The following KLF12 variants were observed in gnomAD, a reference collection of about 807,000 sequenced individuals.
KLF12 encodes KLF transcription factor 12.
KLF12 carries 9 observed loss-of-function variants against 37.8 expected under a neutral mutation model. That is an observed-to-expected ratio of 0.24 (90% confidence interval 0.14 to 0.42). KLF12 has a LOEUF of 0.42. Ranked by LOEUF, KLF12 falls within the 10% of genes least tolerant of loss-of-function variation. The pLI is 1.00. For missense variants in KLF12, 411 were observed against 516.0 expected, an observed-to-expected ratio of 0.80 and a Z score of 1.97; for synonymous variants, 208 against 202.1, an observed-to-expected ratio of 1.03 and a Z score of -0.25.
intron 6 of KLF12, among the ~76,000 whole-genome samples, chr13:73,753,223 C>G (rs376310189): frequency 6.6e-6 from 1 of 152,102 alleles, no homozygotes; most frequent in Non-Finnish European, 1.5e-5. Flanking sequence ...GGTTGTTTCA[C>G]GCTTCCCCTC....
At chr13:73,768,015 C>A (rs1395296768) in intron 5 of KLF12, among the ~76,000 whole-genome samples, 1 of 152,118 alleles carries the variant, frequency 6.6e-6, no homozygotes, top group Non-Finnish European at 1.5e-5. Context: ...CTATCTGCAC[C>A]ACAGAAAAGC....
intron 4 of KLF12, among the ~76,000 whole-genome samples, chr13:73,822,669 T>C (rs1458361681): frequency 1.3e-5 from 2 of 152,230 alleles, no homozygotes; most frequent in African/African-American, 4.8e-5. Context: ...AAGACTACTT[T>C]TCTTGTTTAT....
At chr13:73,830,513 G>A (rs2138576407) in intron 4 of KLF12, among the ~76,000 whole-genome samples, 1 of 152,258 alleles carries the variant, frequency 6.6e-6, no homozygotes, top group South Asian at 2.1e-4. Flanking sequence ...CTGAACATCT[G>A]CTATATAAGC....
intron 6 of KLF12, 129 bp downstream of exon 6, chr13:73,764,809 A>G: frequency 1.8e-6 from 1 of 561,816 alleles, no homozygotes; most frequent in Admixed American, 2.8e-5. Flanking sequence ...GGAAAGGAAG[A>G]CCGCATAGTC....
At chr13:73,987,389 A>C (rs563916759) in intron 2 of KLF12, among the ~76,000 whole-genome samples, 2 of 152,268 alleles carry the variant, frequency 1.3e-5, no homozygotes, top group East Asian at 3.9e-4. Context: ...TTAACACTAT[A>C]ATGTTCTCAG....
At chr13:73,715,590 A>G in intron 6 of KLF12, 65 bp from the exon 7 acceptor site, 1 of 1,512,620 alleles carries the variant, frequency 6.6e-7, no homozygotes. Context: ...TTCTGGTGGC[A>G]TGGGAACATT....
At chr13:74,284,157 T>C in the KLF12 span, among the ~76,000 whole-genome samples, 1 of 152,080 alleles carries the variant, frequency 6.6e-6, no homozygotes, top group Non-Finnish European at 1.5e-5. Flanking sequence ...ATGCCCGGCC[T>C]AGTGTGTATA....
the KLF12 span, among the ~76,000 whole-genome samples, chr13:74,183,787 A>G: frequency 6.6e-6 from 1 of 152,006 alleles, no homozygotes; most frequent in South Asian, 2.1e-4. Context: ...AAATGCAAAA[A>G]TTAGCTGGGC....
intron 5 of KLF12, among the ~76,000 whole-genome samples, chr13:73,771,482 A>C (rs964292382): frequency 1.3e-5 from 2 of 151,972 alleles, no homozygotes; most frequent in African/African-American, 4.8e-5. Flanking sequence ...TAGATGCATA[A>C]ACATTTGCTA....
At chr13:74,230,377 T>C in the KLF12 span, among the ~76,000 whole-genome samples, 2 of 152,328 alleles carry the variant, frequency 1.3e-5, no homozygotes, top group Non-Finnish European at 2.9e-5. Context: ...CAGTTCTTTA[T>C]AGCAGCGTGA....
Position 73,839,544 on chromosome 13 carries a change from TG to T in KLF12, c.670+6282del, listed in dbSNP as rs556802218. ...TTATCCTGCACATTCCACTAAACAATGAAGAAAAAATGTTGATCTTATAATT... is the reference window on the plus strand; with the variant it reads ...TTATCCTGCACATTCCACTAAACAATAAGAAAAAATGTTGATCTTATAATT... On this transcript the variant is annotated intron_variant, in intron 4 of 7. Coordinates refer to ENST00000377669, the MANE Select transcript of KLF12 (RefSeq NM_007249.5). 9.9e-3 allele frequency among the ~76,000 whole-genome samples: 1,502 copies of T among 152,226 alleles called. 13 individuals carry two copies. Among genetic ancestry groups the T allele is most frequent in the Non-Finnish European group, 0.015 (1,025 of 67,994 alleles).
chr13:74,234,575 T>C, the KLF12 span, among the ~76,000 whole-genome samples: 1 of 152,194 alleles, frequency 6.6e-6, no homozygotes, highest in Non-Finnish European at 1.5e-5. Context: ...GTCCATATTT[T>C]TAAAACCAAC....
chr13:73,720,167 C>T (rs189506355), intron 6 of KLF12, among the ~76,000 whole-genome samples: 33 of 152,234 alleles, frequency 2.2e-4, no homozygotes, highest in Admixed American at 2.2e-3. Flanking sequence ...ACCCTTACTC[C>T]TGGCAATATT....
chr13:73,796,507 C>CTGTGTGTGTGTGTGTGTGTG (rs5804694), intron 5 of KLF12, among the ~76,000 whole-genome samples: 104 of 140,362 alleles, frequency 7.4e-4, no homozygotes, highest in African/African-American at 1.7e-3. Context: ...TGCCCCTGTG[C>CTGTGTGTGTGTGTGTGTGTG]TGTGTGTGTG....
chr13:74,141,393 G>A, the KLF12 span, among the ~76,000 whole-genome samples: 2 of 151,996 alleles, frequency 1.3e-5, 1 homozygote, highest in South Asian at 4.2e-4. Context: ...AATGAAACCT[G>A]GTCAGAAACA....
At chr13:73,717,976 G>C (rs1006078991) in intron 6 of KLF12, among the ~76,000 whole-genome samples, 1 of 152,148 alleles carries the variant, frequency 6.6e-6, no homozygotes, top group Non-Finnish European at 1.5e-5. Context: ...AAAAAAGGAA[G>C]TCATTCATAG....
At position 74,067,602 on chromosome 13, in the gene KLF12, T is replaced by G. The variant is rs575109538; in HGVS notation, c.-32+66137A>C. On this transcript the variant is annotated intron_variant, in intron 1 of 7. Coordinates refer to ENST00000377669, the MANE Select transcript of KLF12 (RefSeq NM_007249.5). ...TTCAAGTATTGAAGAAACTACATAT[T>G]GAAGAAAAAAACCACAGGAATTAAT... 2.0e-5 allele frequency among the ~76,000 whole-genome samples: 3 copies of G among 152,138 alleles called. No homozygotes were observed. The East Asian group carries it at 5.8e-4, about 29-fold the overall frequency.
chr13:74,273,867 A>G, the KLF12 span, among the ~76,000 whole-genome samples: 23 of 152,256 alleles, frequency 1.5e-4, no homozygotes, highest in African/African-American at 5.3e-4. Context: ...AACCTATTTC[A>G]TTTGGGTAAT....
chr13:74,128,051 T>A (rs192886020), intron 1 of KLF12, among the ~76,000 whole-genome samples: 7 of 152,350 alleles, frequency 4.6e-5, no homozygotes, highest in Non-Finnish European at 1.0e-4. Context: ...TCATTGTTCA[T>A]CTTTATTTTC....
Sources: allele counts gnomAD v4.1 joint callset (sites outside exome capture counted in the v4.1 genomes callset), GRCh38; gene constraint gnomAD v4.1.1; transcripts MANE v1.5; gene names NCBI Gene and HGNC (gene_info 2026-07-23, HGNC 2026-07-21).